Variants in WDFY4 observed in about 807,000 individuals in gnomAD.
WDFY4 encodes WDFY family member 4.
In WDFY4, 169 loss-of-function variants were observed where a neutral mutation model predicts 351.9. The ratio of observed to expected loss-of-function variants is 0.48; its 90% CI spans 0.42 to 0.55. WDFY4 has a LOEUF of 0.55. Among genes scored for constraint, WDFY4 ranks in the 20% least tolerant of loss-of-function variants. WDFY4 has a pLI of 0.00. For missense variants in WDFY4, 3,803 were observed against 3,935.6 expected (o/e 0.97, Z 0.90); for synonymous variants, 1,622 against 1,574.6 (o/e 1.03, Z -0.71).
At chr10:48,877,947 C>T (rs2070095817) in intron 43 of WDFY4, 1 of 152,262 alleles carries the variant, frequency 6.6e-6, no homozygotes, top group African/African-American at 2.4e-5. Context: ...GACCTCAGTT[C>T]TAGTCCCAAC....
At chr10:48,897,025 C>T (rs1239955219) in intron 44 of WDFY4, among the ~76,000 whole-genome samples, 1 of 152,138 alleles carries the variant, frequency 6.6e-6, no homozygotes, top group Admixed American at 6.5e-5. Flanking sequence ...GCCACAGGAA[C>T]CCACGAGGGC....
chr10:48,931,812 CT>C (rs1840028638), intron 47 of WDFY4, among the ~76,000 whole-genome samples: 1 of 152,198 alleles, frequency 6.6e-6, no homozygotes, highest in South Asian at 2.1e-4. Context: ...TAGACACTGC[CT>C]CCAATAAGAG....
chr10:48,753,741 G>C (rs73308045), intron 12 of WDFY4, among the ~76,000 whole-genome samples: 12,826 of 152,188 alleles, frequency 0.084, 677 homozygotes, highest in East Asian at 0.24. Context: ...CAGCTCCACT[G>C]TTTTGATTAT....
Position 48,836,786 on chromosome 10 carries a change from A to G in WDFY4, c.6663+4077A>G, listed in dbSNP as rs552700780. Among the ~76,000 whole-genome samples the G allele has an allele frequency of 9.9e-5, 15 of 152,266 alleles. No homozygotes were observed. The East Asian group carries it at 2.9e-3, about 30-fold the overall frequency. ...TCAGCTTGTTGGACAGAGGTTGGGAACTTGGACTCCCTTGAGGCCACCAAA... is the reference window on the plus strand; with the variant it reads ...TCAGCTTGTTGGACAGAGGTTGGGAGCTTGGACTCCCTTGAGGCCACCAAA... On this transcript the variant is annotated intron_variant, in intron 39 of 61. Coordinates refer to ENST00000325239, the MANE Select transcript of WDFY4 (RefSeq NM_001394531.1).
intron 39 of WDFY4, among the ~76,000 whole-genome samples, chr10:48,862,317 C>T (rs1359822164): frequency 1.3e-5 from 2 of 152,180 alleles, no homozygotes; most frequent in African/African-American, 4.8e-5. Flanking sequence ...TACAATTCAC[C>T]TATTTAAAGT....
intron 52 of WDFY4, 69 bp downstream of exon 52, chr10:48,957,351 A>G (rs1228249126): frequency 1.6e-5 from 24 of 1,518,452 alleles, no homozygotes; most frequent in Middle Eastern, 3.4e-4. Flanking sequence ...CCCCTGGGTG[A>G]TGACCAACAT....
Position 48,790,782 on chromosome 10 carries a change from G to A in WDFY4, c.4122G>A (p.Gly1374=), listed in dbSNP as rs1284084612. Residue 1374 remains glycine, a synonymous_variant, in exon 23 of 62, where the codon GGG becomes GGA. Coordinates refer to ENST00000325239, the MANE Select transcript of WDFY4 (RefSeq NM_001394531.1). ...PAASSLDFIG[G]PAILLGLISL... Reference sequence around the variant, plus strand: ...CCAGCAGCCTGGACTTCATTGGCGGGCCTGCCATCCTCCTGGGCCTCATCT... The same window carrying A: ...CCAGCAGCCTGGACTTCATTGGCGGACCTGCCATCCTCCTGGGCCTCATCT... 4 of 1,551,650 alleles carry A rather than the reference G, an allele frequency of 2.6e-6. No homozygotes were observed. Among genetic ancestry groups the A allele is most frequent in the African/African-American group, 2.7e-5 (2 of 73,036 alleles).
At position 48,896,659 on chromosome 10, in the gene WDFY4, C is replaced by G. The variant is rs115825219; in HGVS notation, c.7317-795C>G. Among the ~76,000 whole-genome samples the G allele has an allele frequency of 8.5e-3, 1,289 of 152,256 alleles. 20 individuals carry two copies. Among genetic ancestry groups the G allele is most frequent in the African/African-American group, 0.03 (1,227 of 41,546 alleles). On this transcript the variant is annotated intron_variant, in intron 44 of 61. Transcript: ENST00000325239. Reference sequence around the variant, plus strand: ...GGCCTCTTTGCCTTCCTCTGCTCCACTCCCTCCTCTTCCCTGTGGTGCCTG... The same window carrying G: ...GGCCTCTTTGCCTTCCTCTGCTCCAGTCCCTCCTCTTCCCTGTGGTGCCTG...
intron 49 of WDFY4, 28 bp from the exon 50 acceptor site, chr10:48,946,012 T>C: frequency 6.7e-7 from 1 of 1,488,142 alleles, no homozygotes; most frequent in Non-Finnish European, 9.0e-7. Context: ...TCTGGGGAGT[T>C]AACTCCAGCT....
chr10:48,936,621 AG>A (rs199864124), intron 47 of WDFY4, among the ~76,000 whole-genome samples: 2,909 of 152,062 alleles, frequency 0.019, 85 homozygotes, highest in Admixed American at 0.095. Context: ...GTGGATCACA[AG>A]GTCTGGAGAT....
chr10:48,922,539 A>G (rs1839178432), intron 47 of WDFY4, among the ~76,000 whole-genome samples: 1 of 152,248 alleles, frequency 6.6e-6, no homozygotes, highest in African/African-American at 2.4e-5. Context: ...GTTCTATTTT[A>G]TGATGAATTG....
At chr10:48,808,536 C>T (rs1263919908) in intron 28 of WDFY4, among the ~76,000 whole-genome samples, 1 of 151,984 alleles carries the variant, frequency 6.6e-6, no homozygotes, top group Non-Finnish European at 1.5e-5. Context: ...TGAGCATCTA[C>T]TGCATGCCAG....
chr10:48,734,177 C>T (rs574291906), intron 10 of WDFY4, 142 bp downstream of exon 10: 32 of 697,054 alleles, frequency 4.6e-5, no homozygotes, highest in Middle Eastern at 2.7e-4. Context: ...CTCTCTTGGC[C>T]GATGTTCAGT....
intron 40 of WDFY4, 108 bp from the exon 41 acceptor site, chr10:48,873,383 T>A: frequency 7.9e-7 from 1 of 1,272,718 alleles, no homozygotes; most frequent in Admixed American, 2.9e-5. Context: ...GGTATCTTTC[T>A]CAAACATTCA....
At chr10:48,924,772 G>A (rs72799392) in intron 47 of WDFY4, among the ~76,000 whole-genome samples, 2 of 152,316 alleles carry the variant, frequency 1.3e-5, no homozygotes, top group Non-Finnish European at 2.9e-5. Flanking sequence ...ATATATTAAT[G>A]TCATCCAAAT....
intron 44 of WDFY4, among the ~76,000 whole-genome samples, chr10:48,897,020 A>G (rs1837110937): frequency 6.6e-6 from 1 of 152,116 alleles, no homozygotes; most frequent in Admixed American, 6.5e-5. Context: ...GAGAGGCCAC[A>G]GGAACCCACG....
chr10:48,790,968 C>A, intron 23 of WDFY4, 51 bp downstream of exon 23: 1 of 1,541,376 alleles, frequency 6.5e-7, no homozygotes, highest in Non-Finnish European at 8.8e-7. Context: ...GGCTGTCATC[C>A]CTGGGAAACA....
In WDFY4 at chr10:48,727,628, G is replaced by C; in HGVS notation, c.940G>C (p.Gly314Arg). ...GTTCCTGGAGTTTGAGAATTCAGAGGGCTATCCTCTGCTGCTCAAAGTGTT... is the reference window on the plus strand; with the variant it reads ...GTTCCTGGAGTTTGAGAATTCAGAGCGCTATCCTCTGCTGCTCAAAGTGTT... The part of the protein sequence containing the change: ...ALFLEFENSE[G>R]YPLLLKVLLR... The change falls in exon 7 of 62, where the codon GGC becomes CGC. Residue 314 changes from glycine to arginine, a missense_variant. This residue lies in a region of WDFY4 where 488 missense variants were observed against 456.8 expected (regional missense o/e 1.07). Transcript: ENST00000325239. The C allele has an allele frequency of 6.4e-7, 1 of 1,552,010 alleles. No homozygotes were observed. The highest frequency in any genetic ancestry group is 8.7e-7 in the Non-Finnish European group (1 of 1,147,064).
intron 25 of WDFY4, among the ~76,000 whole-genome samples, chr10:48,804,522 A>G (rs1240200486): frequency 6.7e-6 from 1 of 149,736 alleles, no homozygotes; most frequent in Non-Finnish European, 1.5e-5. Context: ...TCTTTTGTGT[A>G]TCAGGGAGAT....
Sources: allele counts gnomAD v4.1 joint callset (sites outside exome capture counted in the v4.1 genomes callset), GRCh38; gene constraint gnomAD v4.1.1; regional missense constraint gnomAD v4.1.1; transcripts MANE v1.5; gene names NCBI Gene and HGNC (gene_info 2026-07-23, HGNC 2026-07-21).